The following SHISAL1 variants were observed in gnomAD, a reference collection of about 807,000 sequenced individuals.
SHISAL1 encodes the protein protein shisa-like-1.
In SHISAL1, 9 loss-of-function variants were observed where a neutral mutation model predicts 22.6. The ratio of observed to expected loss-of-function variants is 0.40; its 90% CI spans 0.24 to 0.70. The LOEUF is 0.70. Among genes scored for constraint, SHISAL1 ranks in the 30% least tolerant of loss-of-function variants. The probability of loss-of-function intolerance (pLI) is 0.39; values close to 1 mark genes in which losing one functional copy is unlikely to be tolerated. For synonymous variants in SHISAL1, 119 were observed against 115.4 expected, an observed-to-expected ratio of 1.03 and a Z score of -0.20; for missense variants, 246 against 270.6, an observed-to-expected ratio of 0.91 and a Z score of 0.64.
At chr22:44,328,892 G>A in the SHISAL1 span, among the ~76,000 whole-genome samples, 11 of 151,878 alleles carry the variant, frequency 7.2e-5, no homozygotes, top group East Asian at 1.7e-3. Flanking sequence ...TCCCAGACCC[G>A]CAGGTCCAGA....
chr22:44,286,233 C>T (rs906361529), intron 3 of SHISAL1, among the ~76,000 whole-genome samples: 6 of 152,196 alleles, frequency 3.9e-5, no homozygotes, highest in African/African-American at 1.4e-4. Context: ...TCCTGCTGGA[C>T]CAAGAGCAGA....
intron 4 of SHISAL1, among the ~76,000 whole-genome samples, chr22:44,257,204 G>GT (rs1297558574): frequency 6.6e-6 from 1 of 152,200 alleles, no homozygotes; most frequent in Non-Finnish European, 1.5e-5. Context: ...GTGGTCTCAC[G>GT]TAACGATTAT....
intron 4 of SHISAL1, among the ~76,000 whole-genome samples, chr22:44,264,496 C>A (rs554200865): frequency 1.3e-5 from 2 of 152,130 alleles, no homozygotes; most frequent in East Asian, 2.0e-4. Context: ...CCCCTGCAAA[C>A]CTGTCCTCCT....
chr22:44,292,925 CTT>C (rs2055362422), intron 3 of SHISAL1, among the ~76,000 whole-genome samples: 1 of 152,238 alleles, frequency 6.6e-6, no homozygotes, highest in East Asian at 1.9e-4. Flanking sequence ...CCTCTGGGGT[CTT>C]ATCCCATGCA....
chr22:44,312,380 TCCC>T (rs923826843), intron 1 of SHISAL1, among the ~76,000 whole-genome samples: 5 of 151,822 alleles, frequency 3.3e-5, no homozygotes, highest in African/African-American at 1.2e-4. Flanking sequence ...TGCCGGACCC[TCCC>T]CCGAGCCTTT....
chr22:44,301,831 C>T (rs2055431622), intron 1 of SHISAL1, among the ~76,000 whole-genome samples: 4 of 152,148 alleles, frequency 2.6e-5, no homozygotes. Flanking sequence ...ATTCCACCTA[C>T]ATGGGGTCCC....
chr22:44,303,771 G>A (rs750859920), intron 1 of SHISAL1, among the ~76,000 whole-genome samples: 11 of 152,098 alleles, frequency 7.2e-5, no homozygotes, highest in African/African-American at 1.9e-4. Flanking sequence ...TTGGGGGCAG[G>A]GTCTGATGTG....
intron 4 of SHISAL1, among the ~76,000 whole-genome samples, chr22:44,262,467 C>T (rs1272722335): frequency 2.0e-5 from 3 of 152,344 alleles, no homozygotes; most frequent in Non-Finnish European, 1.5e-5. Context: ...CTGTGCCGGG[C>T]ACTGTGCCAA....
intron 3 of SHISAL1, among the ~76,000 whole-genome samples, chr22:44,289,122 C>T (rs556352056): frequency 6.6e-6 from 1 of 152,328 alleles, no homozygotes; most frequent in African/African-American, 2.4e-5. Context: ...TTGTTATGCG[C>T]CAGTGCCCTG....
At chr22:44,281,881 CCTAA>C (rs916589689) in intron 4 of SHISAL1, among the ~76,000 whole-genome samples, 2 of 152,220 alleles carry the variant, frequency 1.3e-5, no homozygotes, top group African/African-American at 4.8e-5. Context: ...CCTGCTGGCT[CCTAA>C]CTCAGTTATA....
upstream of SHISAL1, among the ~76,000 whole-genome samples, chr22:44,316,924 C>A (rs913645509): frequency 6.6e-6 from 1 of 152,160 alleles, no homozygotes; most frequent in Non-Finnish European, 1.5e-5. Flanking sequence ...AGCACCAACG[C>A]GGCTAATTGG....
At position 44,245,570 on chromosome 22, in the gene SHISAL1, TAGAC is replaced by T. The variant is rs975398931; in HGVS notation, c.*4111_*4114del. ...TCTCCTTGAATGGCACAGTCTCTAATAGACAGACATGGTGATTGTGAAAGCAGCC... is the reference window on the plus strand; with the variant it reads ...TCTCCTTGAATGGCACAGTCTCTAATAGACATGGTGATTGTGAAAGCAGCC... On this transcript the variant is annotated 3_prime_UTR_variant, in exon 5 of 5. Coordinates refer to ENST00000381176, the MANE Select transcript of SHISAL1 (RefSeq NM_001099294.2). 5 of 152,308 alleles carry T rather than the reference TAGAC, an allele frequency of 3.3e-5. No homozygotes were observed. The highest frequency in any genetic ancestry group is 7.3e-5 in the Non-Finnish European group (5 of 68,112). 9.4% of individuals were successfully genotyped at this position (152,308 alleles called of 1,614,324 possible).
intron 3 of SHISAL1, among the ~76,000 whole-genome samples, chr22:44,295,542 A>G (rs1464618461): frequency 2.6e-5 from 4 of 152,122 alleles, no homozygotes; most frequent in Non-Finnish European, 5.9e-5. Context: ...ATAAAATGTG[A>G]TTACATAACA....
At chr22:44,287,937 A>C (rs1159789093) in intron 3 of SHISAL1, among the ~76,000 whole-genome samples, 2 of 151,958 alleles carry the variant, frequency 1.3e-5, no homozygotes, top group Non-Finnish European at 2.9e-5. Flanking sequence ...CTGAGGGAGG[A>C]GACGGGGAAA....
intron 1 of SHISAL1, among the ~76,000 whole-genome samples, chr22:44,304,084 G>A (rs908256738): frequency 1.3e-5 from 2 of 152,240 alleles, no homozygotes; most frequent in South Asian, 4.1e-4. Flanking sequence ...GACTGTCCTG[G>A]CACCTGCTCT....
At chr22:44,296,059 G>A (rs748195614) in intron 3 of SHISAL1, among the ~76,000 whole-genome samples, 18 of 152,212 alleles carry the variant, frequency 1.2e-4, no homozygotes, top group Non-Finnish European at 2.1e-4. Context: ...AGGCCCAGGC[G>A]CCTTCTACGC....
chr22:44,258,244 T>C (rs1178828019), intron 4 of SHISAL1, among the ~76,000 whole-genome samples: 1 of 152,178 alleles, frequency 6.6e-6, no homozygotes, highest in Non-Finnish European at 1.5e-5. Flanking sequence ...GGGGTAGAGA[T>C]TGCAGTGAGC....
chr22:44,325,186 T>A, the SHISAL1 span, among the ~76,000 whole-genome samples: 1 of 149,514 alleles, frequency 6.7e-6, no homozygotes, highest in African/African-American at 2.5e-5. Flanking sequence ...GAGGTTGCAG[T>A]GAGCTGAGAT....
intron 4 of SHISAL1, among the ~76,000 whole-genome samples, chr22:44,271,735 G>T (rs116853110): frequency 0.022 from 3,327 of 152,228 alleles, 237 homozygotes; most frequent in East Asian, 0.15. Context: ...AACTAAATTG[G>T]TTTTTTGGGA....
Sources: allele counts gnomAD v4.1 joint callset (sites outside exome capture counted in the v4.1 genomes callset), GRCh38; gene constraint gnomAD v4.1.1; transcripts MANE v1.5; gene names NCBI Gene and HGNC (gene_info 2026-07-23, HGNC 2026-07-21).